LINGO2: variants seen among roughly 807,000 people sequenced by gnomAD.
The protein encoded by LINGO2 is leucine-rich repeat and immunoglobulin-like domain-containing nogo receptor-interacting protein 2.
In LINGO2, 14 loss-of-function variants were observed where a neutral mutation model predicts 30.6. That is an observed-to-expected ratio of 0.46 (90% CI 0.30 to 0.72). The LOEUF (loss-of-function observed/expected upper bound fraction) is 0.72, where lower values mean the gene tolerates loss of function less well. LINGO2 is among the 30% of genes least tolerant of loss of function. The pLI, the probability that LINGO2 is intolerant of heterozygous loss-of-function variation, is 0.07. For missense variants in LINGO2, 729 were observed against 751.7 expected, an observed-to-expected ratio of 0.97 and a Z score of 0.35; for synonymous variants, 317 against 288.5, an observed-to-expected ratio of 1.10 and a Z score of -1.00.
At chr9:28,905,455 A>T in the LINGO2 span, among the ~76,000 whole-genome samples, 1 of 151,926 alleles carries the variant, frequency 6.6e-6, no homozygotes, top group Non-Finnish European at 1.5e-5. Context: ...TAGCAAGAAA[A>T]AAAATAATGT....
chr9:28,980,991 G>A, the LINGO2 span, among the ~76,000 whole-genome samples: 1 of 151,982 alleles, frequency 6.6e-6, no homozygotes, highest in South Asian at 2.1e-4. Context: ...GAGGAAGGAG[G>A]GGTGAAACCG....
At chr9:28,056,220 T>A (rs977548449) in intron 4 of LINGO2, among the ~76,000 whole-genome samples, 6 of 152,076 alleles carry the variant, frequency 3.9e-5, no homozygotes, top group Admixed American at 3.9e-4. Flanking sequence ...CTAACAGGCT[T>A]CAGATGTGCC....
chr9:28,283,483 C>T (rs1034316033), intron 4 of LINGO2, among the ~76,000 whole-genome samples: 3 of 152,080 alleles, frequency 2.0e-5, no homozygotes, highest in Non-Finnish European at 4.4e-5. Flanking sequence ...GTAAATTATA[C>T]AATATCATAG....
downstream of LINGO2, chr9:27,944,067 T>G (rs1011502366): frequency 1.3e-5 from 2 of 152,120 alleles, no homozygotes; most frequent in African/African-American, 4.8e-5. Context: ...ACATCTTAAT[T>G]ATGTATTTTG....
intron 1 of LINGO2, among the ~76,000 whole-genome samples, chr9:28,535,829 A>G (rs930211409): frequency 1.3e-5 from 2 of 152,170 alleles, no homozygotes; most frequent in East Asian, 3.9e-4. Context: ...AATGCAGAAG[A>G]AGAAAGGTTA....
At chr9:29,046,430 C>G in the LINGO2 span, among the ~76,000 whole-genome samples, 584 of 152,106 alleles carry the variant, frequency 3.8e-3, 2 homozygotes, top group African/African-American at 0.014. Flanking sequence ...GAATTGAGAG[C>G]CCAGAAATAA....
At chr9:27,992,129 A>C (rs1020296005) in intron 5 of LINGO2, among the ~76,000 whole-genome samples, 1 of 151,994 alleles carries the variant, frequency 6.6e-6, no homozygotes, top group African/African-American at 2.4e-5. Flanking sequence ...TGGCCCCCAA[A>C]TAACTCACCA....
chr9:28,844,391 A>G, the LINGO2 span, among the ~76,000 whole-genome samples: 22 of 151,918 alleles, frequency 1.4e-4, 1 homozygote, highest in African/African-American at 4.4e-4. Flanking sequence ...AACGAAAAAG[A>G]AGAAAAGGAC....
upstream of LINGO2, among the ~76,000 whole-genome samples, chr9:28,675,214 C>T (rs1277035569): frequency 6.6e-6 from 1 of 152,146 alleles, no homozygotes; most frequent in Non-Finnish European, 1.5e-5. Context: ...TTTATTTTCT[C>T]ACGATTACAG....
intron 4 of LINGO2, among the ~76,000 whole-genome samples, chr9:28,046,668 C>G (rs547682359): frequency 6.6e-6 from 1 of 152,212 alleles, no homozygotes; most frequent in East Asian, 1.9e-4. Context: ...CTCATAGTAG[C>G]TCTTAAAATG....
At chr9:28,294,917 G>T (rs903418151) in intron 4 of LINGO2, among the ~76,000 whole-genome samples, 2 of 152,126 alleles carry the variant, frequency 1.3e-5, no homozygotes, top group South Asian at 2.1e-4. Context: ...TATGCCATTA[G>T]AGTTCAGAAT....
At chr9:29,051,206 T>A in the LINGO2 span, among the ~76,000 whole-genome samples, 1 of 152,246 alleles carries the variant, frequency 6.6e-6, no homozygotes, top group East Asian at 1.9e-4. Flanking sequence ...ATTCTACGGG[T>A]TTGGACAAAT....
the LINGO2 span, among the ~76,000 whole-genome samples, chr9:28,997,906 T>C: frequency 2.6e-4 from 39 of 152,342 alleles, no homozygotes; most frequent in African/African-American, 8.9e-4. Flanking sequence ...TCAATTATCA[T>C]GCACCATTGT....
At chr9:29,172,952 T>A in the LINGO2 span, among the ~76,000 whole-genome samples, 115 of 152,084 alleles carry the variant, frequency 7.6e-4, no homozygotes, top group African/African-American at 2.6e-3. Context: ...TACAATCTCA[T>A]ATTTTCTGGG....
At chr9:27,957,132 T>A (rs969253847) in intron 5 of LINGO2, among the ~76,000 whole-genome samples, 3 of 152,070 alleles carry the variant, frequency 2.0e-5, no homozygotes, top group African/African-American at 7.2e-5. Flanking sequence ...AAATAAATAC[T>A]TTCTTTTCCC....
intron 2 of LINGO2, among the ~76,000 whole-genome samples, chr9:28,465,808 T>G (rs1275400164): frequency 6.6e-6 from 1 of 151,986 alleles, no homozygotes; most frequent in East Asian, 1.9e-4. Context: ...AAGATCTGAG[T>G]AGACATTTCT....
At chr9:29,026,870 C>T in the LINGO2 span, among the ~76,000 whole-genome samples, 2 of 152,062 alleles carry the variant, frequency 1.3e-5, no homozygotes, top group African/African-American at 4.8e-5. Context: ...AATAAATCAA[C>T]CAAATCATTG....
the LINGO2 span, among the ~76,000 whole-genome samples, chr9:29,061,611 C>T: frequency 4.6e-5 from 7 of 151,956 alleles, no homozygotes; most frequent in Middle Eastern, 3.4e-3. Context: ...AAATGATGCG[C>T]GAGAACTGGT....
At chr9:28,578,460 T>C (rs934325963) in intron 1 of LINGO2, among the ~76,000 whole-genome samples, 9 of 152,154 alleles carry the variant, frequency 5.9e-5, no homozygotes, top group South Asian at 4.1e-4. Flanking sequence ...AGATTAACAA[T>C]TATTTAATGA....
Sources: gnomAD v4.1 joint callset for allele counts (sites outside exome capture counted in the v4.1 genomes callset) on GRCh38, gnomAD v4.1.1 for gene constraint, MANE v1.5 for transcripts, NCBI Gene and HGNC (gene_info 2026-07-23, HGNC 2026-07-21) for gene names.